The following FAM184A variants were observed in gnomAD, a reference collection of about 807,000 sequenced individuals.
FAM184A encodes the protein family with sequence similarity 184 member A.
Under a neutral mutation model 143.8 loss-of-function variants are expected in FAM184A, and 99 were observed. The ratio of observed to expected loss-of-function variants is 0.69; its 90% confidence interval spans 0.58 to 0.81. FAM184A has a LOEUF of 0.81. Ranked by LOEUF, FAM184A falls within the 40% of genes least tolerant of loss-of-function variation. The pLI, the probability that FAM184A is intolerant of heterozygous loss-of-function variation, is 0.00. For missense variants in FAM184A, 1,217 were observed against 1,310.5 expected, an observed-to-expected ratio of 0.93 and a Z score of 1.10; for synonymous variants, 427 against 446.4, an observed-to-expected ratio of 0.96 and a Z score of 0.55.
chr6:118,984,123 C>G (rs1411026956), intron 9 of FAM184A, among the ~76,000 whole-genome samples: 1 of 139,626 alleles, frequency 7.2e-6, no homozygotes, highest in Non-Finnish European at 1.5e-5. Flanking sequence ...ACACTCCAAC[C>G]TGGGCAATGA....
At chr6:119,013,949 A>G (rs912622803) in intron 5 of FAM184A, among the ~76,000 whole-genome samples, 1 of 152,246 alleles carries the variant, frequency 6.6e-6, no homozygotes, top group Non-Finnish European at 1.5e-5. Flanking sequence ...ATATATAAAA[A>G]AGCTCTTTGT....
Position 119,084,116 on chromosome 6 carries a change from G to T in FAM184A, c.-201-59303C>A, listed in dbSNP as rs566874200. 1.4e-3 allele frequency among the ~76,000 whole-genome samples: 220 copies of T among 152,122 alleles called. 6 individuals are homozygous for T. The South Asian group carries it at 0.041, about 29-fold the overall frequency. ...GAAAGAGAGAGAGAAAGCAAAGGGGGAGGTCCCACTTTAAACCATCAGATC... is the reference window on the plus strand; with the variant it reads ...GAAAGAGAGAGAGAAAGCAAAGGGGTAGGTCCCACTTTAAACCATCAGATC... On this transcript the variant is annotated intron_variant, in intron 1 of 16. Transcript: ENST00000352896.
chr6:119,025,367 T>A (rs1582520669), intron 1 of FAM184A: 2 of 490,532 alleles, frequency 4.1e-6, no homozygotes, highest in Non-Finnish European at 8.0e-6. Flanking sequence ...TATAGTTTGC[T>A]TCTAAAGCTG....
chr6:119,044,293 C>G (rs554262120), intron 1 of FAM184A, among the ~76,000 whole-genome samples: 3 of 152,074 alleles, frequency 2.0e-5, no homozygotes, highest in African/African-American at 7.2e-5. Flanking sequence ...AAAAACTATT[C>G]GAGCTAATAA....
intron 1 of FAM184A, among the ~76,000 whole-genome samples, chr6:119,064,759 G>C (rs1198898131): frequency 6.6e-6 from 1 of 151,948 alleles, no homozygotes; most frequent in Non-Finnish European, 1.5e-5. Context: ...ATTCCTCTTG[G>C]GACAACCAGA....
intron 1 of FAM184A, among the ~76,000 whole-genome samples, chr6:119,147,265 G>A (rs1392134030): frequency 9.2e-5 from 14 of 151,738 alleles, no homozygotes; most frequent in African/African-American, 2.4e-4. Flanking sequence ...AGGGTTTAGC[G>A]TGGGTGCATC....
At chr6:119,104,304 G>A (rs779845689) in intron 1 of FAM184A, among the ~76,000 whole-genome samples, 21 of 152,188 alleles carry the variant, frequency 1.4e-4, no homozygotes, top group Non-Finnish European at 2.5e-4. Flanking sequence ...ACCATGCCTG[G>A]CCAACCATAG....
At chr6:119,023,638 C>A (rs1785530779) in intron 2 of FAM184A, among the ~76,000 whole-genome samples, 1 of 143,248 alleles carries the variant, frequency 7.0e-6, no homozygotes. Flanking sequence ...AAGCGATCCT[C>A]CTGCCTGGGC....
At chr6:119,015,890 T>C (rs1157702810) in intron 5 of FAM184A, among the ~76,000 whole-genome samples, 1 of 151,058 alleles carries the variant, frequency 6.6e-6, no homozygotes. Context: ...AGTGCACCAA[T>C]CGACACTCTG....
intron 1 of FAM184A, among the ~76,000 whole-genome samples, chr6:119,125,708 A>G (rs808035): frequency 0.035 from 5,344 of 152,264 alleles, 145 homozygotes; most frequent in African/African-American, 0.073. Context: ...TTACATTCCC[A>G]GAAGAGTTGA....
chr6:118,979,191 C>T lies in FAM184A; in HGVS notation c.2455+174G>A, dbSNP rs1783943062. 2.0e-5 allele frequency among the ~76,000 whole-genome samples: 3 copies of T among 152,160 alleles called. No individual in the cohort carries two copies. The South Asian group carries it at 6.2e-4, about 32-fold the overall frequency. ...AGAGAGCTGAGGGGAATTCACTTTA[C>T]TGTTTGTGTCCTGCCTATTCATGTG... On this transcript the variant is annotated intron_variant, in intron 11 of 17. Coordinates refer to ENST00000338891, the MANE Select transcript of FAM184A (RefSeq NM_024581.6).
chr6:119,040,855 G>A (rs1786302072), intron 1 of FAM184A, among the ~76,000 whole-genome samples: 1 of 152,150 alleles, frequency 6.6e-6, no homozygotes, highest in Non-Finnish European at 1.5e-5. Flanking sequence ...AGGAGGTGGA[G>A]AAATTCTTAC....
intron 1 of FAM184A, among the ~76,000 whole-genome samples, chr6:119,032,311 C>T (rs965715079): frequency 1.3e-5 from 2 of 151,658 alleles, no homozygotes; most frequent in African/African-American, 2.4e-5. Flanking sequence ...AAATTTTTAC[C>T]GATGAGATTT....
chr6:119,005,978 A>G (rs1582493860), intron 7 of FAM184A: 2 of 629,014 alleles, frequency 3.2e-6, no homozygotes, highest in Non-Finnish European at 5.9e-6. Context: ...AGATATACCG[A>G]AGTCCTACCC....
At chr6:119,060,882 GA>G (rs1385595109) in intron 1 of FAM184A, among the ~76,000 whole-genome samples, 2 of 152,152 alleles carry the variant, frequency 1.3e-5, no homozygotes, top group Non-Finnish European at 2.9e-5. Flanking sequence ...AGCAGAAGCC[GA>G]TGTGCTTCTT....
intron 2 of FAM184A, 36 bp downstream of exon 2, chr6:119,023,923 A>C (rs775632282): frequency 6.6e-7 from 1 of 1,504,278 alleles, no homozygotes; most frequent in Admixed American, 2.3e-5. Context: ...TAAAAGAAAA[A>C]AAATCCATGT....
chr6:119,006,682 A>G (rs1191266905), intron 6 of FAM184A, 74 bp from the exon 7 acceptor site: 1 of 1,201,176 alleles, frequency 8.3e-7, no homozygotes, highest in African/African-American at 1.6e-5. Context: ...ATTTCTTCCT[A>G]AAGTTTTTTA....
intron 17 of FAM184A, among the ~76,000 whole-genome samples, chr6:118,960,524 C>T (rs1169653956): frequency 6.6e-6 from 1 of 152,184 alleles, no homozygotes. Context: ...TCTCTTTCAG[C>T]ACCTTTTCTC....
At position 119,003,503 on chromosome 6, in the gene FAM184A, A is replaced by T. The variant is rs1784827843; in HGVS notation, c.1935T>A (p.Leu645=). ...HDLEIKWTEN[L]RQECSKLREE... ...AGATTACAGAATAAAAAATGTACCT[A>T]AGATTTTCAGTCCACTTAATTTCTA... The change falls in exon 8 of 18, where the codon CTT becomes CTA. Residue 645 remains leucine, a splice_region_variant and synonymous_variant. Transcript: ENST00000338891. 2 of 1,610,300 alleles carry T rather than the reference A, an allele frequency of 1.2e-6. No homozygotes were observed. Among genetic ancestry groups the T allele is most frequent in the African/African-American group, 1.3e-5 (1 of 74,878 alleles).
Sources: allele counts gnomAD v4.1 joint callset (sites outside exome capture counted in the v4.1 genomes callset), GRCh38; gene constraint gnomAD v4.1.1; transcripts MANE v1.5; gene names NCBI Gene and HGNC (gene_info 2026-07-23, HGNC 2026-07-21).